Variants in ATP1A2 observed in about 807,000 individuals in gnomAD.
The protein encoded by ATP1A2 is sodium/potassium-transporting ATPase subunit alpha-2.
In ATP1A2, 56 loss-of-function variants were observed where a neutral mutation model predicts 113.1. The ratio of observed to expected loss-of-function variants is 0.49; its 90% CI spans 0.40 to 0.62. ATP1A2 has a LOEUF of 0.62. Among genes scored for constraint, ATP1A2 ranks in the 20% least tolerant of loss-of-function variants. ATP1A2 has a pLI of 0.00. For missense variants in ATP1A2, 712 were observed against 1,357.8 expected (o/e 0.52, Z 7.47); for synonymous variants, 490 against 526.8 (o/e 0.93, Z 0.96).
chr1:160,128,873 G>T (rs770822254), intron 9 of ATP1A2, 23 bp downstream of exon 9: 63 of 1,613,854 alleles, frequency 3.9e-5, no homozygotes, highest in Non-Finnish European at 4.9e-5. Flanking sequence ...TCCAGAGGGG[G>T]TGGATAGGAT....
rs1465265129 is a variant in ATP1A2, at chr1:160,135,129, C to G, written c.1965-16C>G. 6.2e-7 allele frequency: 1 copy of G among 1,613,756 alleles called. No individual in the cohort carries two copies. Among genetic ancestry groups the G allele is most frequent in the Non-Finnish European group, 8.5e-7 (1 of 1,180,004 alleles). On this transcript the variant is annotated splice_polypyrimidine_tract_variant and intron_variant, in intron 14 of 22. Coordinates refer to ENST00000361216, the MANE Select transcript of ATP1A2 (RefSeq NM_000702.4). This position sits in a 1 kb window ranked among gnomAD's most constrained non-coding sequence, Gnocchi z 6.3. Reference sequence around the variant, plus strand: ...GTGCCAGGGGTCAGCTGTCTCTGTCCCCACCCACCCTCCAGAGAAGCCAAG... The same window carrying G: ...GTGCCAGGGGTCAGCTGTCTCTGTCGCCACCCACCCTCCAGAGAAGCCAAG...
intron 4 of ATP1A2, 129 bp from the exon 5 acceptor site, chr1:160,123,814 A>AG (rs1651498564): frequency 2.4e-6 from 2 of 848,678 alleles, no homozygotes; most frequent in Non-Finnish European, 3.9e-6. Flanking sequence ...CCCTACCATC[A>AG]TCACTCTCAG....
In ATP1A2 at chr1:160,128,996, A is replaced by G. The variant is rs751994862; in HGVS notation, c.1233A>G (p.Lys411=). Residue 411 remains lysine, a synonymous_variant, in exon 10 of 23, where the codon AAA becomes AAG. Transcript: ENST00000361216. ...TEDQSGATFD[K]RSPTWTALSR... is the part of the protein sequence containing the mutation. ...TCCTCCCAGGGGCCACTTTTGACAA[A>G]CGATCCCCTACGTGGACGGCCCTGT... is the stretch of plus-strand genomic sequence containing the variant. 1 of 1,605,978 alleles carries G rather than the reference A, an allele frequency of 6.2e-7. No individual in the cohort carries two copies. Among genetic ancestry groups the G allele is most frequent in the Non-Finnish European group, 8.5e-7 (1 of 1,175,716 alleles).
intron 1 of ATP1A2, 139 bp from the exon 2 acceptor site, chr1:160,120,767 C>G (rs1407344624): frequency 1.2e-5 from 10 of 828,832 alleles, no homozygotes; most frequent in African/African-American, 1.7e-5. Flanking sequence ...CCCTCACCCT[C>G]CATCCCCCCT....
intron 1 of ATP1A2, among the ~76,000 whole-genome samples, chr1:160,120,105 T>G (rs540506482): frequency 2.7e-4 from 41 of 152,306 alleles, no homozygotes; most frequent in Non-Finnish European, 4.9e-4. Flanking sequence ...GTTTTAGATT[T>G]ACTCTCAGAT....
At chr1:160,137,223 C>A in intron 20 of ATP1A2, 192 bp downstream of exon 20, 1 of 905,508 alleles carries the variant, frequency 1.1e-6, no homozygotes, top group Non-Finnish European at 1.7e-6. Context: ...CCTAATTTTG[C>A]ATTTTGTTAT....
At chr1:160,123,449 G>T in intron 4 of ATP1A2, 33 bp downstream of exon 4, 1 of 1,613,602 alleles carries the variant, frequency 6.2e-7, no homozygotes. Context: ...GGAACAGCCC[G>T]TGACTGTCCT....
intron 20 of ATP1A2, 112 bp downstream of exon 20, chr1:160,137,143 A>G (rs373788588): frequency 5.2e-6 from 8 of 1,548,748 alleles, no homozygotes; most frequent in Non-Finnish European, 5.3e-6. Context: ...GGAGGGCATC[A>G]GATTTTAATC....
chr1:160,123,804 C>G, intron 4 of ATP1A2, 139 bp from the exon 5 acceptor site: 1 of 810,696 alleles, frequency 1.2e-6, no homozygotes, highest in South Asian at 1.5e-5. Context: ...AAGGGCTTTC[C>G]CCTACCATCA....
At chr1:160,140,210 A>G (rs1431721811) in intron 22 of ATP1A2, among the ~76,000 whole-genome samples, 1 of 152,098 alleles carries the variant, frequency 6.6e-6, no homozygotes, top group South Asian at 2.1e-4. Flanking sequence ...TTGGTCTCCG[A>G]GGCCCTCCAC....
At chr1:160,137,727 C>T (rs952791133) in intron 20 of ATP1A2, among the ~76,000 whole-genome samples, 42 of 151,908 alleles carry the variant, frequency 2.8e-4, no homozygotes, top group Admixed American at 1.7e-3. Flanking sequence ...GGTGGTTGAG[C>T]GCTGAAGGTT....
intron 17 of ATP1A2, 71 bp from the exon 18 acceptor site, chr1:160,136,176 A>G: frequency 6.2e-7 from 1 of 1,608,536 alleles, no homozygotes; most frequent in Non-Finnish European, 8.5e-7. Context: ...TCACTGTCGA[A>G]GATCAATTGC....
rs762734727 is a variant in ATP1A2 at position 160,135,835 on chromosome 1, A to G, written c.2285-4A>G. The G allele has an allele frequency of 6.2e-7, 1 of 1,614,020 alleles. No individual in the cohort carries two copies. The highest frequency in any genetic ancestry group is 8.5e-7 in the Non-Finnish European group (1 of 1,180,014). The stretch of plus-strand genomic sequence containing the variant: ...TCCCTGATGCCCTCAGAATCTCCCC[A>G]CAGGCCGCCTGATCTTTGACAACTT... On this transcript the variant is annotated splice_polypyrimidine_tract_variant and splice_region_variant and intron_variant, in intron 16 of 22. Coordinates refer to ENST00000361216, the MANE Select transcript of ATP1A2 (RefSeq NM_000702.4). This position sits in a 1 kb window ranked among gnomAD's most constrained non-coding sequence, Gnocchi z 6.3.
At position 160,123,225 on chromosome 1, in the gene ATP1A2, C is replaced by A; in HGVS notation, c.190C>A (p.Gln64Lys). The A allele has an allele frequency of 1.2e-6, 2 of 1,614,216 alleles. No homozygotes were observed. Among genetic ancestry groups the A allele is most frequent in the Non-Finnish European group, 1.7e-6 (2 of 1,180,046 alleles). The change falls in exon 4 of 23, where the codon CAG (glutamine) becomes AAG (lysine). Residue 64 changes from glutamine (Q) to lysine (K), a missense_variant. By Grantham distance (53) the Gln-to-Lys change is moderately conservative. This residue lies in a region of ATP1A2 where 109 missense variants were observed against 162.3 expected (regional missense o/e 0.67). Coordinates refer to ENST00000361216, the MANE Select transcript of ATP1A2 (RefSeq NM_000702.4). ...CTTGCTCCCTCAGGGCCTCACCAAC[C>A]AGCGGGCTCAGGACGTTCTGGCTCG... ...QVDLSKGLTN[Q>K]RAQDVLARDG...
chr1:160,140,808 C>G (rs1652121133), intron 22 of ATP1A2: 2 of 205,050 alleles, frequency 9.8e-6, no homozygotes, highest in South Asian at 1.7e-4. Context: ...AACCTATGGC[C>G]CCAGCTCACT....
intron 7 of ATP1A2, 77 bp downstream of exon 7, chr1:160,125,330 A>G (rs969708122): frequency 7.2e-7 from 1 of 1,381,160 alleles, no homozygotes; most frequent in South Asian, 1.2e-5. Flanking sequence ...CTCTGGTAGT[A>G]CTTACCTGGC....
At position 160,130,544 on chromosome 1, in the gene ATP1A2, C is replaced by T. The variant is rs1651740226; in HGVS notation, c.1774C>T (p.Pro592Ser). 1 of 1,614,100 alleles carries T rather than the reference C, an allele frequency of 6.2e-7. No individual in the cohort carries two copies. The highest frequency in any genetic ancestry group is 1.3e-5 in the African/African-American group (1 of 74,926). The change falls in exon 13 of 23, where the codon CCC becomes TCC. Residue 592 changes from proline to serine, a missense_variant. Pro to Ser is a moderately conservative substitution (Grantham distance 74, BLOSUM62 -1). This residue lies in a region of ATP1A2 where 263 missense variants were observed against 380.6 expected (regional missense o/e 0.69). Coordinates refer to ENST00000361216, the MANE Select transcript of ATP1A2 (RefSeq NM_000702.4). ...GGGGCTCATGTCTATGATTGACCCT[C>T]CCCGGGCTGCTGTGCCAGATGCTGT... ...FVGLMSMIDPPRAAVPDAVGK... is the reference protein window; with the variant it reads ...FVGLMSMIDPSRAAVPDAVGK...
At chr1:160,129,215 T>C (rs780819805) in intron 10 of ATP1A2, 51 bp from the exon 11 acceptor site, 2 of 1,613,730 alleles carry the variant, frequency 1.2e-6, no homozygotes, top group Admixed American at 3.3e-5. Flanking sequence ...CACCTGATCC[T>C]CCACTCCCTT....
intron 8 of ATP1A2, among the ~76,000 whole-genome samples, chr1:160,128,083 A>G (rs960352744): frequency 6.6e-6 from 1 of 152,150 alleles, no homozygotes; most frequent in African/African-American, 2.4e-5. Context: ...TCTGGGTCTC[A>G]TTCCGTCCAA....
Sources: allele counts gnomAD v4.1 joint callset (sites outside exome capture counted in the v4.1 genomes callset), GRCh38; gene constraint gnomAD v4.1.1; regional missense constraint gnomAD v4.1.1; non-coding constraint Gnocchi (gnomAD v3.1); transcripts MANE v1.5; gene names NCBI Gene and HGNC (gene_info 2026-07-23, HGNC 2026-07-21).